INTS4: variants seen among roughly 807,000 people sequenced by gnomAD.
The protein encoded by INTS4 is MSTP093.
In INTS4, 70 loss-of-function variants were observed where a neutral mutation model predicts 119.5. That is an observed-to-expected ratio of 0.59 (90% CI 0.48 to 0.71). The LOEUF is 0.71. Ranked by LOEUF, INTS4 falls within the 30% of genes least tolerant of loss-of-function variation. INTS4 has a pLI of 0.00. For synonymous variants in INTS4, 316 were observed against 419.6 expected (o/e 0.75, Z 3.02); for missense variants, 867 against 1,173.2 (o/e 0.74, Z 3.81).
intron 1 of INTS4, among the ~76,000 whole-genome samples, chr11:77,993,578 C>T (rs1856783536): frequency 6.6e-6 from 1 of 152,078 alleles, no homozygotes; most frequent in South Asian, 2.1e-4. Flanking sequence ...GTTCTTAATG[C>T]CACTGAACTT....
In INTS4 at chr11:77,981,500, T is replaced by A. The variant is rs1315153074; in HGVS notation, c.323A>T (p.Asp108Val). Residue 108 changes from aspartate to valine, a missense_variant, in exon 3 of 23, where the codon GAC (aspartate) becomes GTC (valine). By Grantham distance (152) the Asp-to-Val change is radical (BLOSUM62 -3). This residue lies in a region of INTS4 where 224 missense variants were observed against 231.8 expected (regional missense o/e 0.97). Coordinates refer to ENST00000534064, the MANE Select transcript of INTS4 (RefSeq NM_033547.4). Reference protein sequence around the residue: ...LLSKTAGFSPDCIMDDAINIL... With the variant: ...LLSKTAGFSPVCIMDDAINIL... The stretch of plus-strand genomic sequence containing the variant: ...GTTGATGGCATCATCCATAATGCAG[T>A]CTGGTGAAAATCCTGCTGTCTTTGA... 1.3e-6 allele frequency: 2 copies of A among 1,571,802 alleles called. No individual in the cohort carries two copies. The highest frequency in any genetic ancestry group is 1.7e-6 in the Non-Finnish European group (2 of 1,156,742).
chr11:77,944,809 CAAGT>C (rs1954008435), intron 8 of INTS4, among the ~76,000 whole-genome samples: 1 of 152,092 alleles, frequency 6.6e-6, no homozygotes, highest in Non-Finnish European at 1.5e-5. Context: ...GGATGCCCAA[CAAGT>C]AAGTATAATA....
In INTS4 at chr11:77,991,214, G is replaced by A. The variant is rs377300136; in HGVS notation, c.140C>T (p.Thr47Ile). The change falls in exon 2 of 23, where the codon ACC becomes ATC. Residue 47 changes from threonine (T) to isoleucine (I), a missense_variant. This residue lies in a region of INTS4 where 224 missense variants were observed against 231.8 expected (regional missense o/e 0.97). Transcript: ENST00000534064. The stretch of plus-strand genomic sequence containing the variant: ...GTATTGCAAAGCATCTGCTGGGGAG[G>A]TAGCTTTACACAGATCTATGTGGAG... The part of the protein sequence containing the change: ...AALHIDLCKA[T>I]SPADALQYLL... 70 of 1,614,170 alleles carry A rather than the reference G, an allele frequency of 4.3e-5. No individual in the cohort carries two copies. In the East Asian group the frequency reaches 7.6e-4, roughly 17 times the overall value.
chr11:77,920,254 T>TAC (rs1953321339), intron 14 of INTS4, among the ~76,000 whole-genome samples: 45 of 25,644 alleles, frequency 1.8e-3, no homozygotes, highest in African/African-American at 0.01. Context: ...TATATACATA[T>TAC]ATACATATAT....
chr11:77,918,368 T>C, intron 15 of INTS4: 1 of 379,894 alleles, frequency 2.6e-6, no homozygotes, highest in Non-Finnish European at 4.8e-6. Context: ...AGTGAGCTGA[T>C]ATTATGCCAC....
chr11:77,994,367 C>T (rs779610302), intron 1 of INTS4, among the ~76,000 whole-genome samples: 1 of 152,184 alleles, frequency 6.6e-6, no homozygotes, highest in African/African-American at 2.4e-5. Context: ...TTAAAAAACA[C>T]TGTTTCTCCT....
intron 4 of INTS4, chr11:77,978,333 A>G (rs893076394): frequency 2.0e-5 from 3 of 152,230 alleles, no homozygotes; most frequent in Admixed American, 2.0e-4. Flanking sequence ...AACACAATTC[A>G]AATGCATTTG....
At chr11:77,914,715 T>C (rs972302785) in intron 15 of INTS4, among the ~76,000 whole-genome samples, 2 of 152,124 alleles carry the variant, frequency 1.3e-5, no homozygotes, top group Non-Finnish European at 2.9e-5. Flanking sequence ...CAAATGAGCG[T>C]GGGTGTGCTT....
chr11:77,939,706 G>A (rs1953883197), intron 9 of INTS4, among the ~76,000 whole-genome samples: 1 of 152,018 alleles, frequency 6.6e-6, no homozygotes, highest in African/African-American at 2.4e-5. Context: ...TTAGCCGGGT[G>A]TGGTGGTACA....
Position 77,952,669 on chromosome 11 carries a change from T to C in INTS4, c.918+3273A>G, listed in dbSNP as rs1386518753. ...AATTTGAAGCTGTTCAGATTTAACA[T>C]GAAATTGTAACACAAGGCATGTGAC... On this transcript the variant is annotated intron_variant, in intron 8 of 22. Transcript: ENST00000534064. Among the ~76,000 whole-genome samples the C allele has an allele frequency of 3.3e-5, 5 of 152,178 alleles. No homozygotes were observed. The South Asian group carries it at 6.2e-4, about 19-fold the overall frequency.
chr11:77,958,974 T>C, intron 6 of INTS4, 140 bp from the exon 7 acceptor site: 1 of 640,384 alleles, frequency 1.6e-6, no homozygotes, highest in Middle Eastern at 4.3e-4. Context: ...CTGGAATCTT[T>C]GCTTAAAAAT....
chr11:77,941,363 C>T (rs1953924597), intron 8 of INTS4, 112 bp from the exon 9 acceptor site: 9 of 1,214,524 alleles, frequency 7.4e-6, no homozygotes, highest in Non-Finnish European at 1.0e-5. Context: ...TTATTCATGA[C>T]AGTAAAGATG....
chr11:77,922,877 C>A, intron 12 of INTS4: 1 of 302,110 alleles, frequency 3.3e-6, no homozygotes, highest in Non-Finnish European at 6.3e-6. Flanking sequence ...GGCAAGTAAG[C>A]CAGTTCTAGA....
rs143740084 is a variant in INTS4, at chr11:77,966,059, C to T, written c.472-4921G>A. Among the ~76,000 whole-genome samples, 19 of 152,182 alleles carry T rather than the reference C, an allele frequency of 1.2e-4. No homozygotes were observed. In the East Asian group the frequency reaches 1.7e-3, roughly 14 times the overall value. ...TCTCACTTAATTTGCATTTTCCCGACGCTTAGTGATGTTGTACACTTTTTC... is the reference window on the plus strand; with the variant it reads ...TCTCACTTAATTTGCATTTTCCCGATGCTTAGTGATGTTGTACACTTTTTC... On this transcript the variant is annotated intron_variant, in intron 4 of 22. Coordinates refer to ENST00000534064, the MANE Select transcript of INTS4 (RefSeq NM_033547.4).
chr11:77,877,707 G>A (rs1446259161), downstream of INTS4, among the ~76,000 whole-genome samples: 1 of 152,068 alleles, frequency 6.6e-6, no homozygotes, highest in Non-Finnish European at 1.5e-5. Context: ...CAGTACCAAA[G>A]GTTAACCTCT....
Position 77,891,312 on chromosome 11 carries a change from G to A in INTS4, c.2592+7C>T, listed in dbSNP as rs563538255. 67 of 1,608,488 alleles carry A rather than the reference G, an allele frequency of 4.2e-5. No homozygotes were observed. The highest frequency in any genetic ancestry group is 2.1e-4 in the Middle Eastern group (1 of 4,744). ...AGAAGCTCCATGAGGACCCAAACCC[G>A]ACAGACCTGGACCTTAACAGTGTTC... On this transcript the variant is annotated splice_region_variant and intron_variant, in intron 21 of 22. Transcript: ENST00000534064.
intron 4 of INTS4, among the ~76,000 whole-genome samples, chr11:77,976,689 A>G (rs1430223359): frequency 2.6e-5 from 4 of 151,874 alleles, no homozygotes; most frequent in Non-Finnish European, 4.4e-5. Context: ...ATGTCCAACA[A>G]TGATAGACTG....
Position 77,956,140 on chromosome 11 carries a change from G to A in INTS4, c.798-78C>T, listed in dbSNP as rs1455391494. On this transcript the variant is annotated intron_variant, in intron 7 of 22. Transcript: ENST00000534064. ...TCTGCAGGCTCAGGCCAGGCACAGT[G>A]GCTCACATCTATAATCCCAACACTT... The A allele has an allele frequency of 1.6e-5, 24 of 1,516,136 alleles. 1 individual carries two copies. Among genetic ancestry groups the A allele is most frequent in the African/African-American group, 2.8e-5 (2 of 71,392 alleles). 93.9% of individuals were successfully genotyped at this position (1,516,136 alleles called of 1,614,324 possible). A position where few individuals can be genotyped will look rare whatever the true frequency, so the allele number is the denominator to read the frequency against.
chr11:77,970,706 A>G (rs868465176), intron 4 of INTS4, among the ~76,000 whole-genome samples: 4 of 149,742 alleles, frequency 2.7e-5, no homozygotes, highest in Middle Eastern at 7.2e-3. Flanking sequence ...GCATGCACCT[A>G]TAGTCCCAGC....
Sources: allele counts gnomAD v4.1 joint callset (sites outside exome capture counted in the v4.1 genomes callset), GRCh38; gene constraint gnomAD v4.1.1; regional missense constraint gnomAD v4.1.1; transcripts MANE v1.5; gene names NCBI Gene and HGNC (gene_info 2026-07-23, HGNC 2026-07-21).